Variants in ARMH4 observed in about 807,000 individuals in gnomAD.
ARMH4 encodes the protein armadillo like helical domain containing 4.
ARMH4 carries 49 observed loss-of-function variants against 61.9 expected under a neutral mutation model. The ratio of observed to expected loss-of-function variants is 0.79; its 90% CI spans 0.63 to 1.00. ARMH4 has a LOEUF of 1.00. Among genes scored for constraint, ARMH4 ranks in the 50% least tolerant of loss-of-function variants. The pLI is 0.00. For synonymous variants in ARMH4, 368 were observed against 341.5 expected, an observed-to-expected ratio of 1.08 and a Z score of -0.85; for missense variants, 934 against 930.0, an observed-to-expected ratio of 1.00 and a Z score of -0.06.
rs935241462 is a variant in ARMH4, at chr14:58,017,081, T to A, written c.2090-4931A>T. ...CTGTAATCCCAGCACTTCAGGAGGC[T>A]GAGGCGGGTGGCTCACTTGAGCCCA... On this transcript the variant is annotated intron_variant, in intron 5 of 7. Transcript: ENST00000267485. 2.0e-5 allele frequency among the ~76,000 whole-genome samples: 3 copies of A among 152,302 alleles called. No homozygotes were observed. In the East Asian group the frequency reaches 5.8e-4, roughly 29 times the overall value.
chr14:58,060,612 C>T (rs1357296270), intron 5 of ARMH4, among the ~76,000 whole-genome samples: 1 of 152,110 alleles, frequency 6.6e-6, no homozygotes, highest in East Asian at 1.9e-4. Context: ...GATTATCCTC[C>T]CCAAACTGTG....
intron 4 of ARMH4, among the ~76,000 whole-genome samples, chr14:58,126,605 C>A (rs1886902677): frequency 6.6e-6 from 1 of 152,102 alleles, no homozygotes; most frequent in Non-Finnish European, 1.5e-5. Flanking sequence ...CAGCTTTCTG[C>A]CCCATGTATG....
intron 6 of ARMH4, among the ~76,000 whole-genome samples, 156 bp downstream of exon 6, chr14:58,011,963 G>A (rs946955913): frequency 6.6e-6 from 1 of 152,140 alleles, no homozygotes; most frequent in African/African-American, 2.4e-5. Context: ...AAAGGGAAGG[G>A]CTTCTTTTTT....
intron 5 of ARMH4, among the ~76,000 whole-genome samples, chr14:58,026,994 A>C (rs544494368): frequency 2.4e-4 from 36 of 152,330 alleles, no homozygotes; most frequent in African/African-American, 8.4e-4. Flanking sequence ...AGATGAAATC[A>C]ATTAGAAGTG....
At chr14:58,137,169 T>C (rs1229111183) in intron 2 of ARMH4, among the ~76,000 whole-genome samples, 2 of 152,218 alleles carry the variant, frequency 1.3e-5, no homozygotes, top group Non-Finnish European at 2.9e-5. Flanking sequence ...TCAGGGTTTT[T>C]CAACCTCAGC....
In ARMH4 at chr14:58,139,009, G is replaced by A. The variant is rs777916491; in HGVS notation, c.350C>T (p.Ser117Leu). The A allele has an allele frequency of 1.2e-6, 2 of 1,614,172 alleles. No homozygotes were observed. The highest frequency in any genetic ancestry group is 1.7e-6 in the Non-Finnish European group (2 of 1,180,018). The change falls in exon 2 of 8, where the codon TCA (serine) becomes TTA (leucine). Residue 117 changes from serine (S) to leucine (L), a missense_variant. Coordinates refer to ENST00000267485, the MANE Select transcript of ARMH4 (RefSeq NM_001001872.4). Reference protein sequence around the residue: ...ERPGVSTPTESGVPSAEEVFG... With the variant: ...ERPGVSTPTELGVPSAEEVFG... ...TACTTCTTCAGCTGAGGGGACACCT[G>A]ACTCAGTAGGTGTGGAAACACCAGG...
chr14:58,010,189 T>G lies in ARMH4; in HGVS notation c.2121+1930A>C, dbSNP rs181426628. Among the ~76,000 whole-genome samples the G allele has an allele frequency of 2.0e-3, 309 of 152,174 alleles. 1 individual carries two copies. Among genetic ancestry groups the G allele is most frequent in the African/African-American group, 7.1e-3 (295 of 41,522 alleles). On this transcript the variant is annotated intron_variant, in intron 6 of 7. Coordinates refer to ENST00000267485, the MANE Select transcript of ARMH4 (RefSeq NM_001001872.4). Reference sequence around the variant, plus strand: ...TTCTGAAGATAATGACTAACAAGACTTTAATAGATGATGGATGGATGGATG... The same window carrying G: ...TTCTGAAGATAATGACTAACAAGACGTTAATAGATGATGGATGGATGGATG...
chr14:58,110,416 A>G (rs1594762750), intron 4 of ARMH4, among the ~76,000 whole-genome samples: 1 of 152,230 alleles, frequency 6.6e-6, no homozygotes, highest in Admixed American at 6.5e-5. Flanking sequence ...TTATACAATA[A>G]CAGAAACTTT....
At chr14:58,104,613 G>C (rs1886108918) in intron 4 of ARMH4, among the ~76,000 whole-genome samples, 1 of 152,062 alleles carries the variant, frequency 6.6e-6, no homozygotes, top group Admixed American at 6.6e-5. Context: ...CCTATACCCT[G>C]CTTCAATTAC....
At chr14:58,020,245 G>A (rs1882772836) in intron 5 of ARMH4, among the ~76,000 whole-genome samples, 1 of 152,126 alleles carries the variant, frequency 6.6e-6, no homozygotes, top group African/African-American at 2.4e-5. Flanking sequence ...GAGGGGTGAG[G>A]GCAGGTGGGC....
chr14:58,144,694 C>T (rs1041550813), intron 1 of ARMH4, among the ~76,000 whole-genome samples: 1 of 152,042 alleles, frequency 6.6e-6, no homozygotes, highest in African/African-American at 2.4e-5. Flanking sequence ...GGTGAAACCC[C>T]GTCTCCACTA....
At chr14:58,053,598 A>G (rs1400116344) in intron 5 of ARMH4, among the ~76,000 whole-genome samples, 3 of 152,178 alleles carry the variant, frequency 2.0e-5, no homozygotes, top group Non-Finnish European at 4.4e-5. Flanking sequence ...CCCCTGGTAG[A>G]AGATCTCTAG....
chr14:58,094,423 C>T (rs1468284689), intron 5 of ARMH4, among the ~76,000 whole-genome samples: 2 of 151,846 alleles, frequency 1.3e-5, no homozygotes, highest in Non-Finnish European at 2.9e-5. Context: ...AAGCCTCAAG[C>T]CTGACAAGCC....
At chr14:58,151,189 C>T (rs538189386) in intron 1 of ARMH4, among the ~76,000 whole-genome samples, 28 of 152,312 alleles carry the variant, frequency 1.8e-4, no homozygotes, top group African/African-American at 6.7e-4. Flanking sequence ...AATTGGATGC[C>T]AAGTGCTAGG....
intron 5 of ARMH4, among the ~76,000 whole-genome samples, chr14:58,045,790 T>G (rs776954771): frequency 6.6e-6 from 1 of 152,042 alleles, no homozygotes; most frequent in African/African-American, 2.4e-5. Context: ...CCAATATGAC[T>G]GATGTTCTTA....
intron 5 of ARMH4, among the ~76,000 whole-genome samples, chr14:58,050,260 G>T (rs1884092251): frequency 1.3e-5 from 2 of 152,198 alleles, no homozygotes; most frequent in African/African-American, 2.4e-5. Context: ...GCTGTGGAAG[G>T]GGGCAGGGAC....
intron 5 of ARMH4, among the ~76,000 whole-genome samples, chr14:58,096,399 A>T (rs373365160): frequency 6.6e-6 from 1 of 152,198 alleles, no homozygotes; most frequent in African/African-American, 2.4e-5. Context: ...CTGTCTCCCA[A>T]CTGGGAAGGA....
At position 58,131,497 on chromosome 14, in the gene ARMH4, T is replaced by C. The variant is rs200455245; in HGVS notation, c.1831+15A>G. ...CAACCAGTCCTTGAAAAGATCCCCTTCAAAGCATGAATACCTTCAGATTCA... is the reference window on the plus strand; with the variant it reads ...CAACCAGTCCTTGAAAAGATCCCCTCCAAAGCATGAATACCTTCAGATTCA... On this transcript the variant is annotated intron_variant, in intron 4 of 7. Transcript: ENST00000267485. 206 of 1,607,300 alleles carry C rather than the reference T, an allele frequency of 1.3e-4. No homozygotes were observed. The highest frequency in any genetic ancestry group is 1.7e-4 in the Non-Finnish European group (200 of 1,174,172).
intron 5 of ARMH4, among the ~76,000 whole-genome samples, chr14:58,031,407 G>C (rs1883225168): frequency 6.6e-6 from 1 of 152,146 alleles, no homozygotes. Context: ...CAGAGCTTTT[G>C]TTTAATTGGC....
Sources: gnomAD v4.1 joint callset for allele counts (sites outside exome capture counted in the v4.1 genomes callset) on GRCh38, gnomAD v4.1.1 for gene constraint, MANE v1.5 for transcripts, NCBI Gene and HGNC (gene_info 2026-07-23, HGNC 2026-07-21) for gene names.